Variants in LRRC8C observed in about 807,000 individuals in gnomAD.
LRRC8C encodes volume-regulated anion channel subunit LRRC8C.
Under a neutral mutation model 55.3 loss-of-function variants are expected in LRRC8C, and 20 were observed. The ratio of observed to expected loss-of-function variants is 0.36; its 90% CI spans 0.25 to 0.53. The LOEUF (loss-of-function observed/expected upper bound fraction) is 0.53, where lower values mean the gene tolerates loss of function less well. Among genes scored for constraint, LRRC8C ranks in the 20% least tolerant of loss-of-function variants. The pLI, the probability that LRRC8C is intolerant of heterozygous loss-of-function variation, is 0.92. For synonymous variants in LRRC8C, 376 were observed against 360.7 expected, an observed-to-expected ratio of 1.04 and a Z score of -0.48; for missense variants, 659 against 951.4, an observed-to-expected ratio of 0.69 and a Z score of 4.04.
intron 1 of LRRC8C, among the ~76,000 whole-genome samples, chr1:89,684,132 A>G (rs1219898498): frequency 1.3e-5 from 2 of 152,176 alleles, no homozygotes; most frequent in South Asian, 2.1e-4. Flanking sequence ...GTAAATATGT[A>G]TAGATGTAAC....
intron 1 of LRRC8C, among the ~76,000 whole-genome samples, chr1:89,681,422 G>A (rs7534896): frequency 0.045 from 6,864 of 152,180 alleles, 505 homozygotes; most frequent in African/African-American, 0.16. Context: ...TTGGTTTGGG[G>A]CCTTGTAATA....
At chr1:89,668,676 T>G (rs1657334739) in intron 1 of LRRC8C, among the ~76,000 whole-genome samples, 1 of 152,188 alleles carries the variant, frequency 6.6e-6, no homozygotes, top group African/African-American at 2.4e-5. Flanking sequence ...CTGAAAGCCC[T>G]GAGGTGGAAT....
intron 2 of LRRC8C, 140 bp downstream of exon 2, chr1:89,686,751 A>T: frequency 1.0e-6 from 1 of 964,920 alleles, no homozygotes; most frequent in Non-Finnish European, 1.5e-6. Flanking sequence ...TAATCATAGC[A>T]GAGAACCTGA....
At chr1:89,668,817 T>C (rs1657338182) in intron 1 of LRRC8C, among the ~76,000 whole-genome samples, 1 of 152,192 alleles carries the variant, frequency 6.6e-6, no homozygotes, top group African/African-American at 2.4e-5. Context: ...ACAGATAACA[T>C]GTTTAATGTC....
At chr1:89,636,016 G>C (rs1054447095) in intron 1 of LRRC8C, among the ~76,000 whole-genome samples, 5 of 152,190 alleles carry the variant, frequency 3.3e-5, no homozygotes, top group Non-Finnish European at 5.9e-5. Flanking sequence ...ATTCTGGTTT[G>C]GCATGGGGTA....
chr1:89,665,903 T>G (rs10922689), intron 1 of LRRC8C, among the ~76,000 whole-genome samples: 149,901 of 152,170 alleles, frequency 0.99, 73,860 homozygotes, highest in Middle Eastern at 1. Flanking sequence ...CATTTTTATT[T>G]TACCTTTCCT....
intron 2 of LRRC8C, among the ~76,000 whole-genome samples, chr1:89,699,102 G>A (rs1170125601): frequency 6.6e-6 from 1 of 152,154 alleles, no homozygotes; most frequent in Non-Finnish European, 1.5e-5. Flanking sequence ...AACATTAAAT[G>A]TACATTGCTA....
the LRRC8C span, among the ~76,000 whole-genome samples, chr1:89,622,888 T>C: frequency 6.6e-6 from 1 of 152,226 alleles, no homozygotes; most frequent in East Asian, 1.9e-4. Context: ...GGTATAATTT[T>C]GAATTTTGGT....
chr1:89,702,185 T>C (rs1658350226), intron 2 of LRRC8C, among the ~76,000 whole-genome samples: 1 of 152,004 alleles, frequency 6.6e-6, no homozygotes, highest in South Asian at 2.1e-4. Context: ...TAAGACCTAT[T>C]GGTGGACTCT....
At chr1:89,631,549 C>T (rs1656108310), upstream of LRRC8C, 1 of 152,050 alleles carries the variant, frequency 6.6e-6, no homozygotes, top group South Asian at 2.1e-4. Flanking sequence ...GGTAAAGCTA[C>T]CTTAGAGAGT....
At chr1:89,675,921 T>C (rs1657534722) in intron 1 of LRRC8C, among the ~76,000 whole-genome samples, 1 of 152,110 alleles carries the variant, frequency 6.6e-6, no homozygotes, top group African/African-American at 2.4e-5. Context: ...ATAATAGATA[T>C]ATGGAAAGAA....
chr1:89,622,334 A>AT, the LRRC8C span, among the ~76,000 whole-genome samples: 6 of 127,230 alleles, frequency 4.7e-5, no homozygotes, highest in African/African-American at 1.2e-4. Flanking sequence ...ATACATGTAA[A>AT]ATTTTTTTTT....
intron 2 of LRRC8C, among the ~76,000 whole-genome samples, chr1:89,708,890 T>C (rs1658563865): frequency 6.6e-6 from 1 of 152,224 alleles, no homozygotes; most frequent in South Asian, 2.1e-4. Flanking sequence ...GGAGTCTTCT[T>C]GTGATGTGTT....
chr1:89,655,793 T>C (rs915049479), intron 1 of LRRC8C, among the ~76,000 whole-genome samples: 1 of 152,202 alleles, frequency 6.6e-6, no homozygotes, highest in East Asian at 1.9e-4. Context: ...CTAACATGTA[T>C]CCCTTACTTG....
chr1:89,682,295 G>A (rs1657738084), intron 1 of LRRC8C, among the ~76,000 whole-genome samples: 1 of 152,104 alleles, frequency 6.6e-6, no homozygotes, highest in African/African-American at 2.4e-5. Flanking sequence ...CCAATATTAA[G>A]AAGCAGTAGA....
At chr1:89,616,323 G>A in the LRRC8C span, among the ~76,000 whole-genome samples, 5 of 152,138 alleles carry the variant, frequency 3.3e-5, no homozygotes, top group East Asian at 5.8e-4. Context: ...TGCTAGAAGG[G>A]TCACTTCTGG....
chr1:89,627,130 C>T, the LRRC8C span, among the ~76,000 whole-genome samples: 3 of 151,982 alleles, frequency 2.0e-5, no homozygotes, highest in Middle Eastern at 3.2e-3. Context: ...ATAAAAGACA[C>T]TTTTTTCACC....
At chr1:89,664,193 GT>G (rs1217435700) in intron 1 of LRRC8C, among the ~76,000 whole-genome samples, 1 of 152,126 alleles carries the variant, frequency 6.6e-6, no homozygotes, top group African/African-American at 2.4e-5. Flanking sequence ...TGCTTTTGGT[GT>G]TTTAGTCATG....
At chr1:89,627,522 A>C in the LRRC8C span, among the ~76,000 whole-genome samples, 1 of 152,314 alleles carries the variant, frequency 6.6e-6, no homozygotes, top group African/African-American at 2.4e-5. Context: ...ATGGGATATG[A>C]GTACACTAGT....
Sources: allele counts gnomAD v4.1 joint callset (sites outside exome capture counted in the v4.1 genomes callset), GRCh38; gene constraint gnomAD v4.1.1; transcripts MANE v1.5; gene names NCBI Gene and HGNC (gene_info 2026-07-23, HGNC 2026-07-21).